DNER: variants seen among roughly 807,000 people sequenced by gnomAD.
The protein encoded by DNER is delta and Notch-like epidermal growth factor-related receptor.
In DNER, 33 loss-of-function variants were observed where a neutral mutation model predicts 78.2. The observed-to-expected ratio is 0.42, with a 90% CI of 0.32 to 0.56. The LOEUF (loss-of-function observed/expected upper bound fraction) is 0.56, where lower values mean the gene tolerates loss of function less well. Among genes scored for constraint, DNER ranks in the 20% least tolerant of loss-of-function variants. The pLI, the probability that DNER is intolerant of heterozygous loss-of-function variation, is 0.11. For synonymous variants in DNER, 417 were observed against 384.8 expected, an observed-to-expected ratio of 1.08 and a Z score of -0.98; for missense variants, 918 against 975.3, an observed-to-expected ratio of 0.94 and a Z score of 0.78.
intron 10 of DNER, among the ~76,000 whole-genome samples, chr2:229,401,676 G>A (rs983204642): frequency 3.3e-5 from 5 of 152,188 alleles, no homozygotes; most frequent in Admixed American, 6.5e-5. Context: ...CAGTTGTGGC[G>A]CAAGGGAAAA....
At chr2:229,662,015 T>C (rs1436614843) in intron 1 of DNER, among the ~76,000 whole-genome samples, 1 of 152,194 alleles carries the variant, frequency 6.6e-6, no homozygotes, top group Non-Finnish European at 1.5e-5. Flanking sequence ...ATTTTTTAAG[T>C]CAATTAATAT....
intron 11 of DNER, among the ~76,000 whole-genome samples, chr2:229,379,224 A>G (rs778470130): frequency 7.9e-5 from 12 of 152,302 alleles, no homozygotes; most frequent in Non-Finnish European, 1.5e-4. Context: ...CTCATAGCAT[A>G]AGAGGTATAG....
intron 1 of DNER, among the ~76,000 whole-genome samples, chr2:229,645,636 C>T (rs1387631396): frequency 6.6e-6 from 1 of 152,184 alleles, no homozygotes; most frequent in East Asian, 1.9e-4. Context: ...TTAATAATTA[C>T]AAGGAGATGA....
intron 4 of DNER, among the ~76,000 whole-genome samples, chr2:229,551,015 G>T (rs1696725021): frequency 6.6e-6 from 1 of 152,104 alleles, no homozygotes; most frequent in African/African-American, 2.4e-5. Flanking sequence ...CACTCCTAAA[G>T]CCTGTTTTCA....
At chr2:229,553,201 T>C (rs1574899378) in intron 4 of DNER, among the ~76,000 whole-genome samples, 1 of 152,216 alleles carries the variant, frequency 6.6e-6, no homozygotes, top group East Asian at 1.9e-4. Context: ...TGGAGATCCC[T>C]TTAGTGCCAG....
At chr2:229,691,693 TTAAA>T (rs1255828562) in intron 1 of DNER, among the ~76,000 whole-genome samples, 1 of 152,018 alleles carries the variant, frequency 6.6e-6, no homozygotes, top group African/African-American at 2.4e-5. Context: ...AAGAGACACT[TTAAA>T]TATAAGTATA....
rs555495036 is a variant in DNER at position 229,497,110 on chromosome 2, T to C, written c.1147+15673A>G. Among the ~76,000 whole-genome samples the C allele has an allele frequency of 3.3e-5, 5 of 152,318 alleles. No homozygotes were observed. The South Asian group carries it at 1.0e-3, about 32-fold the overall frequency. On this transcript the variant is annotated intron_variant, in intron 6 of 12. Transcript: ENST00000341772. The stretch of plus-strand genomic sequence containing the variant: ...AAATCACATCAATAATATTTTCATA[T>C]TACAATGATATGAAAGTAGAAACTG...
At chr2:229,693,266 C>T (rs1427798214) in intron 1 of DNER, among the ~76,000 whole-genome samples, 1 of 151,670 alleles carries the variant, frequency 6.6e-6, no homozygotes, top group Non-Finnish European at 1.5e-5. Flanking sequence ...CTTCCCCTTC[C>T]ATCATGATTG....
intron 1 of DNER, among the ~76,000 whole-genome samples, chr2:229,655,557 G>T (rs960385808): frequency 6.6e-6 from 1 of 152,132 alleles, no homozygotes; most frequent in Middle Eastern, 3.4e-3. Context: ...AATGGCTTTT[G>T]GTCCTTCATT....
intron 9 of DNER, 21 bp from the exon 10 acceptor site, chr2:229,407,366 C>T (rs749358288): frequency 3.7e-5 from 60 of 1,604,856 alleles, no homozygotes; most frequent in Non-Finnish European, 4.9e-5. Context: ...ACAAGCAAAA[C>T]AGGATGACTC....
rs138119960 is a variant in DNER at position 229,486,703 on chromosome 2, A to T, written c.1148-9450T>A. ...GTCCTAGGTGGCTCAATATTTTTTG[A>T]GTGAAATTTATGGATTTTAAAACTG... On this transcript the variant is annotated intron_variant, in intron 6 of 12. Coordinates refer to ENST00000341772, the MANE Select transcript of DNER (RefSeq NM_139072.4). Among the ~76,000 whole-genome samples, 3 of 152,300 alleles carry T rather than the reference A, an allele frequency of 2.0e-5. No individual in the cohort carries two copies. In the East Asian group the frequency reaches 5.8e-4, roughly 29 times the overall value.
chr2:229,576,325 T>A (rs565152189), intron 4 of DNER, among the ~76,000 whole-genome samples: 173 of 116,448 alleles, frequency 1.5e-3, no homozygotes, highest in African/African-American at 5.7e-3. Flanking sequence ...AAAGTTTCTC[T>A]CTCTTTTTTT....
intron 1 of DNER, among the ~76,000 whole-genome samples, chr2:229,687,028 A>G (rs1420212016): frequency 1.3e-5 from 2 of 152,168 alleles, no homozygotes; most frequent in Non-Finnish European, 2.9e-5. Context: ...GCACCTTAAC[A>G]TAATTTTGAT....
At chr2:229,360,464 G>C (rs576405661) in intron 12 of DNER, among the ~76,000 whole-genome samples, 10 of 152,254 alleles carry the variant, frequency 6.6e-5, no homozygotes, top group South Asian at 4.2e-4. Context: ...AGGCTGGAGT[G>C]CAGTGGCGTG....
intron 1 of DNER, among the ~76,000 whole-genome samples, chr2:229,680,261 T>C (rs1258832638): frequency 6.6e-6 from 1 of 152,154 alleles, no homozygotes; most frequent in Non-Finnish European, 1.5e-5. Context: ...CACATCAATA[T>C]GCCACTGAGT....
At chr2:229,600,745 C>T (rs1157096520) in intron 1 of DNER, among the ~76,000 whole-genome samples, 3 of 152,244 alleles carry the variant, frequency 2.0e-5, no homozygotes, top group Non-Finnish European at 4.4e-5. Context: ...CTCCCTCTAC[C>T]TTTCCATCCA....
At chr2:229,565,697 T>C (rs1697092524) in intron 4 of DNER, among the ~76,000 whole-genome samples, 1 of 152,212 alleles carries the variant, frequency 6.6e-6, no homozygotes. Flanking sequence ...AAAAATATTT[T>C]CTTATTGCCT....
At chr2:229,581,258 A>G (rs1697391695) in intron 4 of DNER, among the ~76,000 whole-genome samples, 1 of 152,224 alleles carries the variant, frequency 6.6e-6, no homozygotes. Flanking sequence ...TATATATCCC[A>G]TACTTAAGAC....
chr2:229,476,979 G>C (rs1695050225), intron 7 of DNER, among the ~76,000 whole-genome samples, 161 bp downstream of exon 7: 1 of 144,136 alleles, frequency 6.9e-6, no homozygotes, highest in Non-Finnish European at 1.5e-5. Context: ...TGCTAGCATA[G>C]AGCTAAAAAG....
Sources: allele counts gnomAD v4.1 joint callset (sites outside exome capture counted in the v4.1 genomes callset), GRCh38; gene constraint gnomAD v4.1.1; transcripts MANE v1.5; gene names NCBI Gene and HGNC (gene_info 2026-07-23, HGNC 2026-07-21).